Variants in TMX2 observed in about 807,000 individuals in gnomAD.
TMX2 encodes the protein thioredoxin related transmembrane protein 2, also known as thioredoxin-related transmembrane protein 2.
A neutral mutation model predicts 33.4 loss-of-function variants in TMX2; 20 were observed. The observed-to-expected ratio is 0.60, with a 90% CI of 0.42 to 0.87. The LOEUF (loss-of-function observed/expected upper bound fraction) is 0.87. TMX2 is among the 40% of genes least tolerant of loss of function. The pLI is 0.00. For missense variants in TMX2, 340 were observed against 370.7 expected (o/e 0.92, Z 0.68); for synonymous variants, 166 against 140.7 (o/e 1.18, Z -1.27).
At chr11:57,733,246 A>G (rs979537136) in intron 1 of TMX2, among the ~76,000 whole-genome samples, 3 of 130,580 alleles carry the variant, frequency 2.3e-5, no homozygotes, top group East Asian at 4.1e-4. Context: ...CACAGTGAGG[A>G]ATTTTTTTTT....
rs753663905 is a variant in TMX2, at chr11:57,712,602, C to T, written c.-17C>T. Reference sequence around the variant, plus strand: ...GACCTACGACGCCGGCGAGCAGTGGCCGTTACGGCCGAAAAGATGGCGGTC... The same window carrying T: ...GACCTACGACGCCGGCGAGCAGTGGTCGTTACGGCCGAAAAGATGGCGGTC... On this transcript the variant is annotated 5_prime_UTR_variant, in exon 1 of 8. Transcript: ENST00000278422. 7 of 1,595,436 alleles carry T rather than the reference C, an allele frequency of 4.4e-6. No individual in the cohort carries two copies. Among genetic ancestry groups the T allele is most frequent in the Non-Finnish European group, 5.1e-6 (6 of 1,168,438 alleles).
intron 1 of TMX2, among the ~76,000 whole-genome samples, chr11:57,724,843 G>T (rs1244356260): frequency 1.3e-5 from 2 of 151,816 alleles, no homozygotes; most frequent in Admixed American, 6.6e-5. Context: ...TTCAAGATTA[G>T]CCTGGCCAAG....
intron 1 of TMX2, among the ~76,000 whole-genome samples, chr11:57,733,247 A>ATTTTT (rs71061537): frequency 4.8e-4 from 36 of 74,860 alleles, no homozygotes; most frequent in East Asian, 1.0e-3. Context: ...ACAGTGAGGA[A>ATTTTT]TTTTTTTTTT....
intron 1 of TMX2, among the ~76,000 whole-genome samples, chr11:57,729,362 C>A (rs887558050): frequency 6.6e-6 from 1 of 151,820 alleles, no homozygotes; most frequent in Non-Finnish European, 1.5e-5. Flanking sequence ...TGTTACTTTT[C>A]GACTGAGATA....
intron 1 of TMX2, among the ~76,000 whole-genome samples, chr11:57,729,418 TG>T (rs1399085390): frequency 2.6e-5 from 4 of 152,202 alleles, no homozygotes; most frequent in African/African-American, 9.7e-5. Flanking sequence ...AAGTTGTATT[TG>T]TCTCATGGCA....
chr11:57,716,563 G>C (rs1404111524), intron 1 of TMX2, among the ~76,000 whole-genome samples: 2 of 131,816 alleles, frequency 1.5e-5, no homozygotes, highest in East Asian at 2.4e-4. Flanking sequence ...CTGGCCGGGC[G>C]GGGGGCTGAC....
chr11:57,718,552 G>C (rs1947332146), intron 1 of TMX2: 2 of 652,490 alleles, frequency 3.1e-6, no homozygotes, highest in Non-Finnish European at 5.6e-6. Flanking sequence ...CAGGGCTCCT[G>C]GTGGTGGCAG....
chr11:57,714,541 C>T lies in TMX2; in HGVS notation c.189+1734C>T, dbSNP rs1946850699. On this transcript the variant is annotated intron_variant, in intron 1 of 7. Transcript: ENST00000278422. ...TTTGTGGTGATTTTTTTTTCAAAGT[C>T]ACGTTGACTAGCTTTAGCTGGTAAG... Among the ~76,000 whole-genome samples, 4 of 151,836 alleles carry T rather than the reference C, an allele frequency of 2.6e-5. No individual in the cohort carries two copies. In the South Asian group the frequency reaches 8.3e-4, roughly 32 times the overall value.
intron 1 of TMX2, among the ~76,000 whole-genome samples, chr11:57,729,560 CTCT>C (rs1451056763): frequency 2.0e-5 from 3 of 152,234 alleles, no homozygotes; most frequent in South Asian, 2.1e-4. Flanking sequence ...ACCAGACTTT[CTCT>C]TCTTACCTTA....
intron 1 of TMX2, among the ~76,000 whole-genome samples, chr11:57,725,749 A>G (rs1947937090): frequency 6.6e-6 from 1 of 152,014 alleles, no homozygotes; most frequent in South Asian, 2.1e-4. Flanking sequence ...AAGAAAAAAA[A>G]AAGGTCAAGA....
chr11:57,716,147 T>C (rs565360245), intron 1 of TMX2, among the ~76,000 whole-genome samples: 7,627 of 150,266 alleles, frequency 0.051, 653 homozygotes, highest in African/African-American at 0.18. Flanking sequence ...CCTCACTTCC[T>C]AGTAGGGGTG....
chr11:57,737,772 C>T (rs761349000), intron 2 of TMX2, 104 bp downstream of exon 2: 49 of 1,574,402 alleles, frequency 3.1e-5, no homozygotes, highest in Middle Eastern at 3.3e-4. Flanking sequence ...ATTTGTCCTA[C>T]GTTTAATTCC....
At chr11:57,715,581 G>GTTTT (rs1355236642) in intron 1 of TMX2, among the ~76,000 whole-genome samples, 2 of 82,972 alleles carry the variant, frequency 2.4e-5, no homozygotes, top group Non-Finnish European at 4.6e-5. Flanking sequence ...CTTAGAATTT[G>GTTTT]TTTTCTTTTT....
At chr11:57,731,432 C>CA (rs1590955190) in intron 1 of TMX2, among the ~76,000 whole-genome samples, 3 of 118,406 alleles carry the variant, frequency 2.5e-5, no homozygotes, top group Non-Finnish European at 5.0e-5. Context: ...CCGCACCCAG[C>CA]CTTTTTTTTT....
At chr11:57,734,931 C>G (rs374415175) in intron 1 of TMX2, among the ~76,000 whole-genome samples, 3 of 151,248 alleles carry the variant, frequency 2.0e-5, no homozygotes, top group Non-Finnish European at 4.4e-5. Context: ...GCCAAGAGAT[C>G]AAGACCATCC....
Position 57,738,370 on chromosome 11 carries a change from C to A in TMX2, c.381C>A (p.Cys127Ter), listed in dbSNP as rs781030562. 2.5e-6 allele frequency: 4 copies of A among 1,610,522 alleles called. No homozygotes were observed. In the African/African-American group the frequency reaches 4.0e-5, roughly 16 times the overall value. Reference sequence around the variant, plus strand: ...TGTATTTAGTGTTCCTGATGACGTGCAAACCCCCCCTATATATGGGCCCTG... The same window carrying A: ...TGTATTTAGTGTTCCTGATGACGTGAAAACCCCCCCTATATATGGGCCCTG... Reference protein sequence around the residue: ...ITLCIVFLMTCKPPLYMGPEY... With the variant: ...ITLCIVFLMT The change falls in exon 4 of 8, where the codon TGC becomes TGA. Residue 127 changes from cysteine to a stop codon, truncating the protein, a stop_gained. Transcript: ENST00000278422. LOFTEE classifies it high-confidence loss of function.
At chr11:57,737,818 C>T (rs764618719) in intron 2 of TMX2, 95 bp from the exon 3 acceptor site, 2 of 1,611,568 alleles carry the variant, frequency 1.2e-6, no homozygotes, top group Non-Finnish European at 8.5e-7. Flanking sequence ...TATCCCCTCC[C>T]TGTCTCCTAT....
chr11:57,730,307 A>T (rs1420362768), intron 1 of TMX2, among the ~76,000 whole-genome samples: 1 of 148,080 alleles, frequency 6.8e-6, no homozygotes, highest in African/African-American at 2.5e-5. Flanking sequence ...GGCGCCTATA[A>T]TCCCAGGTAC....
At chr11:57,736,609 C>G (rs886322859) in intron 1 of TMX2, among the ~76,000 whole-genome samples, 2 of 151,610 alleles carry the variant, frequency 1.3e-5, no homozygotes, top group Non-Finnish European at 3.0e-5. Context: ...TAATGGGGGC[C>G]GGGCTCGGTG....
Sources: gnomAD v4.1 joint callset for allele counts (sites outside exome capture counted in the v4.1 genomes callset) on GRCh38, gnomAD v4.1.1 for gene constraint, MANE v1.5 for transcripts, NCBI Gene and HGNC (gene_info 2026-07-23, HGNC 2026-07-21) for gene names.